TAF2: variants seen among roughly 807,000 people sequenced by gnomAD.
TAF2 encodes TATA-box binding protein associated factor 2, also known as transcription initiation factor TFIID subunit 2.
Under a neutral mutation model 138.5 loss-of-function variants are expected in TAF2, and 61 were observed. The ratio of observed to expected loss-of-function variants is 0.44; its 90% CI spans 0.36 to 0.54. The LOEUF (loss-of-function observed/expected upper bound fraction) is 0.54, where lower values mean the gene tolerates loss of function less well. Among genes scored for constraint, TAF2 ranks in the 20% least tolerant of loss-of-function variants. TAF2 has a pLI of 0.00. For missense variants in TAF2, 1,090 were observed against 1,427.9 expected (o/e 0.76, Z 3.81); for synonymous variants, 475 against 469.9 (o/e 1.01, Z -0.14).
At chr8:119,799,992 TG>T (rs1350065519) in intron 6 of TAF2, among the ~76,000 whole-genome samples, 2 of 152,202 alleles carry the variant, frequency 1.3e-5, no homozygotes, top group African/African-American at 4.8e-5. Context: ...CATTTTTTGA[TG>T]GGGTTGTTTT....
At chr8:119,820,708 C>T (rs964076391) in intron 2 of TAF2, among the ~76,000 whole-genome samples, 1 of 152,104 alleles carries the variant, frequency 6.6e-6, no homozygotes, top group African/African-American at 2.4e-5. Flanking sequence ...AACATTTAGT[C>T]CAACCGCTCA....
rs1161436333 is a variant in TAF2, at chr8:119,731,316, T to A, written c.*608A>T. On this transcript the variant is annotated 3_prime_UTR_variant, in exon 26 of 26. Transcript: ENST00000378164. ...AAAAGATAGTTATTCAAAATTTTTT[T>A]AAAAAAGAATTGCTTCCCCAAATCT... is the stretch of plus-strand genomic sequence containing the variant. The A allele has an allele frequency of 1.3e-5, 2 of 152,234 alleles. No individual in the cohort carries two copies. The highest frequency in any genetic ancestry group is 1.5e-5 in the Non-Finnish European group (1 of 68,060). The allele number at this position is 152,234 out of a possible 1,614,324, so 9.4% of individuals were successfully genotyped here. A position where few individuals can be genotyped will look rare whatever the true frequency, so the allele number is the denominator to read the frequency against.
At chr8:119,792,511 C>T (rs561047607) in intron 10 of TAF2, among the ~76,000 whole-genome samples, 6 of 152,238 alleles carry the variant, frequency 3.9e-5, no homozygotes, top group African/African-American at 1.4e-4. Flanking sequence ...ATTACCCATT[C>T]TACAATTCTG....
chr8:119,819,524 A>G lies in TAF2; in HGVS notation c.139-18T>C. On this transcript the variant is annotated intron_variant, in intron 2 of 25. Transcript: ENST00000378164. ...ACAAATCCCTGTAAAGATAGAGAATAACAACTTCATTATAAAGACTGGTAT... is the reference window on the plus strand; with the variant it reads ...ACAAATCCCTGTAAAGATAGAGAATGACAACTTCATTATAAAGACTGGTAT... 1 of 1,589,364 alleles carries G rather than the reference A, an allele frequency of 6.3e-7. No homozygotes were observed. The highest frequency in any genetic ancestry group is 8.6e-7 in the Non-Finnish European group (1 of 1,166,698).
At chr8:119,735,135 T>C (rs772930692) in intron 25 of TAF2, among the ~76,000 whole-genome samples, 4 of 152,196 alleles carry the variant, frequency 2.6e-5, no homozygotes, top group Non-Finnish European at 5.9e-5. Flanking sequence ...TTAACCACGA[T>C]GCTACAGTGT....
At chr8:119,769,535 C>T (rs1821677783) in intron 18 of TAF2, among the ~76,000 whole-genome samples, 1 of 151,812 alleles carries the variant, frequency 6.6e-6, no homozygotes, top group African/African-American at 2.4e-5. Context: ...CAAAGAGACA[C>T]AAGAGAAAGT....
chr8:119,771,988 C>T (rs1341594443), intron 18 of TAF2, among the ~76,000 whole-genome samples: 1 of 152,148 alleles, frequency 6.6e-6, no homozygotes, highest in Non-Finnish European at 1.5e-5. Context: ...TATCAAGTAT[C>T]TTCTCAGACC....
At chr8:119,740,195 G>T (rs575328289) in intron 25 of TAF2, among the ~76,000 whole-genome samples, 175 of 152,192 alleles carry the variant, frequency 1.1e-3, no homozygotes, top group African/African-American at 3.9e-3. Context: ...ACTTGACTTG[G>T]GTTAGGCTAA....
At chr8:119,746,650 C>T (rs1167065892) in intron 23 of TAF2, 55 bp downstream of exon 23, 23 of 1,558,768 alleles carry the variant, frequency 1.5e-5, no homozygotes, top group Non-Finnish European at 1.6e-5. Context: ...CAATTCTCTT[C>T]TCTAGATCCT....
chr8:119,761,136 T>C (rs1821035219), intron 19 of TAF2, among the ~76,000 whole-genome samples: 1 of 152,160 alleles, frequency 6.6e-6, no homozygotes, highest in East Asian at 1.9e-4. Flanking sequence ...ATGGTAAGTG[T>C]CCTATACAGG....
intron 6 of TAF2, among the ~76,000 whole-genome samples, chr8:119,800,117 T>G (rs1429976188): frequency 1.3e-5 from 2 of 152,246 alleles, no homozygotes; most frequent in Non-Finnish European, 2.9e-5. Flanking sequence ...GATGGTAGTT[T>G]CTTTTGCTGT....
chr8:119,738,094 A>G (rs1264869341), intron 25 of TAF2, among the ~76,000 whole-genome samples: 1 of 151,616 alleles, frequency 6.6e-6, no homozygotes, highest in Non-Finnish European at 1.5e-5. Flanking sequence ...CTATATATAT[A>G]CAGTTGTATA....
chr8:119,769,686 A>G (rs1458368739), intron 18 of TAF2, among the ~76,000 whole-genome samples: 1 of 151,824 alleles, frequency 6.6e-6, no homozygotes, highest in African/African-American at 2.4e-5. Flanking sequence ...GCAAGCTTTA[A>G]CAACACACTA....
intron 18 of TAF2, among the ~76,000 whole-genome samples, chr8:119,768,613 G>A (rs1821611326): frequency 6.6e-6 from 1 of 152,238 alleles, no homozygotes; most frequent in African/African-American, 2.4e-5. Context: ...TCCACGTGCA[G>A]ATGAGAAATA....
intron 25 of TAF2, among the ~76,000 whole-genome samples, chr8:119,741,434 A>C (rs1819596622): frequency 6.6e-6 from 1 of 152,244 alleles, no homozygotes; most frequent in African/African-American, 2.4e-5. Context: ...CAAAACCAAA[A>C]GAATACAAAA....
intron 4 of TAF2, among the ~76,000 whole-genome samples, chr8:119,805,909 CTT>C (rs11309224): frequency 1.7e-4 from 25 of 144,108 alleles, no homozygotes; most frequent in South Asian, 2.2e-4. Context: ...TTTTGTTTTT[CTT>C]TTTTTTTTTT....
intron 14 of TAF2, among the ~76,000 whole-genome samples, chr8:119,787,801 C>A (rs910193997): frequency 3.9e-5 from 6 of 152,286 alleles, no homozygotes; most frequent in African/African-American, 1.4e-4. Context: ...ATGTTTATTG[C>A]AGCACTGTTC....
intron 22 of TAF2, among the ~76,000 whole-genome samples, chr8:119,753,432 T>C (rs1586324571): frequency 6.6e-6 from 1 of 152,348 alleles, no homozygotes; most frequent in East Asian, 1.9e-4. Context: ...TCGGTATCTA[T>C]TGTCCAATGT....
chr8:119,823,426 G>A (rs1014543738), intron 2 of TAF2, among the ~76,000 whole-genome samples: 7 of 152,116 alleles, frequency 4.6e-5, no homozygotes, highest in East Asian at 3.9e-4. Context: ...CTCATAAAGC[G>A]AATAAATCTC....
Sources: allele counts gnomAD v4.1 joint callset (sites outside exome capture counted in the v4.1 genomes callset), GRCh38; gene constraint gnomAD v4.1.1; transcripts MANE v1.5; gene names NCBI Gene and HGNC (gene_info 2026-07-23, HGNC 2026-07-21).